Variants in TMEM97 observed in about 807,000 individuals in gnomAD.
TMEM97 encodes the protein sigma intracellular receptor 2.
TMEM97 carries 13 observed loss-of-function variants against 18.3 expected under a neutral mutation model. The ratio of observed to expected loss-of-function variants is 0.71; its 90% CI spans 0.46 to 1.13. TMEM97 has a LOEUF of 1.13. TMEM97 is among the 50% of genes most tolerant of loss of function. The probability of loss-of-function intolerance (pLI) is 0.00; values close to 1 mark genes in which losing one functional copy is unlikely to be tolerated. For synonymous variants in TMEM97, 76 were observed against 85.3 expected (o/e 0.89, Z 0.60); for missense variants, 205 against 210.5 (o/e 0.97, Z 0.16).
chr17:28,322,738 G>A (rs994102407), intron 1 of TMEM97, among the ~76,000 whole-genome samples: 10 of 152,184 alleles, frequency 6.6e-5, no homozygotes, highest in African/African-American at 2.4e-4. Context: ...AGAAGTACAA[G>A]ATTGGTGAGT....
At chr17:28,319,518 C>T (rs1906058614) in intron 1 of TMEM97, 153 bp downstream of exon 1, 3 of 931,560 alleles carry the variant, frequency 3.2e-6, no homozygotes. Flanking sequence ...AACTTTAGTT[C>T]GGTGTTTTCC....
In TMEM97 at chr17:28,325,548, C is replaced by G; in HGVS notation, c.172C>G (p.Leu58Val). The change falls in exon 2 of 3, where the codon CTG (leucine) becomes GTG (valine). Residue 58 changes from leucine (L) to valine (V), a missense_variant. By Grantham distance (32) the Leu-to-Val change is conservative. Coordinates refer to ENST00000226230, the MANE Select transcript of TMEM97 (RefSeq NM_014573.3). ...KWYAKEFKDP[L>V]LQEPPAWFKS... ...GTATGCTAAGGAGTTCAAAGACCCA[C>G]TGCTACAGGAGCCCCCAGCCTGGTT... 1 of 1,614,252 alleles carries G rather than the reference C, an allele frequency of 6.2e-7. No homozygotes were observed. The highest frequency in any genetic ancestry group is 8.5e-7 in the Non-Finnish European group (1 of 1,180,052).
intron 1 of TMEM97, among the ~76,000 whole-genome samples, chr17:28,321,602 T>G (rs1443748095): frequency 6.6e-6 from 1 of 152,098 alleles, no homozygotes; most frequent in African/African-American, 2.4e-5. Context: ...CCTGGCTAAT[T>G]TTTTATTTTT....
intron 1 of TMEM97, 97 bp downstream of exon 1, chr17:28,319,462 A>G (rs1234856121): frequency 7.2e-6 from 10 of 1,392,518 alleles, no homozygotes; most frequent in Admixed American, 3.0e-5. Context: ...TCTGGGTTCC[A>G]GTTGCCTCTC....
rs77440727 is a variant in TMEM97 at position 28,321,350 on chromosome 17, C to T, written c.126+1985C>T. ...CCTGGATGTGCCATTCTCACAAGCC[C>T]GTCTTGCTCACCCCTAACAAAATAC... is the stretch of plus-strand genomic sequence containing the variant. On this transcript the variant is annotated intron_variant, in intron 1 of 2. Coordinates refer to ENST00000226230, the MANE Select transcript of TMEM97 (RefSeq NM_014573.3). Among the ~76,000 whole-genome samples, 11 of 152,330 alleles carry T rather than the reference C, an allele frequency of 7.2e-5. 2 individuals are homozygous for T. The East Asian group carries it at 1.5e-3, about 21-fold the overall frequency.
intron 1 of TMEM97, among the ~76,000 whole-genome samples, chr17:28,319,886 C>T (rs1248155075): frequency 1.3e-5 from 2 of 152,158 alleles, no homozygotes; most frequent in Non-Finnish European, 2.9e-5. Context: ...ACTTCCAGAG[C>T]TCAGGAGTAA....
rs1906422753 is a variant in TMEM97 at position 28,327,767 on chromosome 17, GATC to G, written c.*978_*980del. 1 of 152,210 alleles carries G rather than the reference GATC, an allele frequency of 6.6e-6. No homozygotes were observed. Among genetic ancestry groups the G allele is most frequent in the Non-Finnish European group, 1.5e-5 (1 of 68,040 alleles). The allele number at this position is 152,210 out of a possible 1,614,324, so 9.4% of individuals were successfully genotyped here. On this transcript the variant is annotated 3_prime_UTR_variant, in exon 3 of 3. Coordinates refer to ENST00000226230, the MANE Select transcript of TMEM97 (RefSeq NM_014573.3). ...AATGTTTTTGTTTCTGTTGTAAACAGATCATCCTAGGCGAAAGTTTTTTTTGTT... is the reference window on the plus strand; with the variant it reads ...AATGTTTTTGTTTCTGTTGTAAACAGATCCTAGGCGAAAGTTTTTTTTGTT...
Position 28,327,373 on chromosome 17 carries a change from G to A in TMEM97, c.*580G>A, listed in dbSNP as rs1555575690. 6.5e-6 allele frequency: 1 copy of A among 153,668 alleles called. No individual in the cohort carries two copies. 9.5% of individuals were successfully genotyped at this position (153,668 alleles called of 1,614,324 possible). ...TATAAGGAAGTGGTACCAAATAACT[G>A]TGTGCCTGAGTTCCACCGCAAGATT... is the stretch of plus-strand genomic sequence containing the variant. On this transcript the variant is annotated 3_prime_UTR_variant, in exon 3 of 3. Transcript: ENST00000226230.
chr17:28,321,612 T>C (rs1387171016), intron 1 of TMEM97, among the ~76,000 whole-genome samples: 23 of 152,166 alleles, frequency 1.5e-4, no homozygotes, highest in African/African-American at 5.6e-4. Flanking sequence ...TTTTTATTTT[T>C]TGTAGAGATG....
chr17:28,327,237 C>T lies in TMEM97; in HGVS notation c.*444C>T, dbSNP rs1555575675. 1 of 181,062 alleles carries T rather than the reference C, an allele frequency of 5.5e-6. No individual in the cohort carries two copies. The highest frequency in any genetic ancestry group is 1.4e-4 in the East Asian group (1 of 7,216). The allele number at this position is 181,062 out of a possible 1,614,324, so 11.2% of individuals were successfully genotyped here. A position where few individuals can be genotyped will look rare whatever the true frequency, so the allele number is the denominator to read the frequency against. On this transcript the variant is annotated 3_prime_UTR_variant, in exon 3 of 3. Transcript: ENST00000226230. Reference sequence around the variant, plus strand: ...CTGCCCACCTCAGTCTCCCTAAGTGCTGGGATTACAGACGTGAACCACTGG... The same window carrying T: ...CTGCCCACCTCAGTCTCCCTAAGTGTTGGGATTACAGACGTGAACCACTGG...
rs1567776432 is a variant in TMEM97, at chr17:28,325,616, C to T, written c.240C>T (p.Phe80=). 6.2e-7 allele frequency: 1 copy of T among 1,614,238 alleles called. No homozygotes were observed. The highest frequency in any genetic ancestry group is 2.2e-5 in the East Asian group (1 of 44,890). The change falls in exon 2 of 3, where the codon TTC becomes TTT. Residue 80 remains phenylalanine (F), a synonymous_variant. Coordinates refer to ENST00000226230, the MANE Select transcript of TMEM97 (RefSeq NM_014573.3). ...LFCELVFQLP[F]FPIATYAFLK... ...GCGAGCTTGTGTTTCAGCTGCCTTT[C>T]TTTCCCATTGCAACGTATGCCTTCC...
intron 1 of TMEM97, 38 bp from the exon 2 acceptor site, chr17:28,325,465 A>G: frequency 6.2e-7 from 1 of 1,609,000 alleles, no homozygotes; most frequent in Non-Finnish European, 8.5e-7. Flanking sequence ...TGTTGAGGGC[A>G]AGTGGCTGTA....
chr17:28,319,992 T>C (rs1906081496), intron 1 of TMEM97, among the ~76,000 whole-genome samples: 1 of 152,220 alleles, frequency 6.6e-6, no homozygotes, highest in Non-Finnish European at 1.5e-5. Flanking sequence ...TTCCTGGTTG[T>C]TGGAGAGCAT....
At position 28,328,253 on chromosome 17, in the gene TMEM97, G is replaced by A. The variant is rs1555575837; in HGVS notation, c.*1460G>A. ...GCCTGGTTTGTTTTGTGGACTAGGG[G>A]ATAGAGAATCCAGGGTTCTCTCATG... On this transcript the variant is annotated 3_prime_UTR_variant, in exon 3 of 3. Transcript: ENST00000226230. 1.1e-5 allele frequency: 2 copies of A among 185,314 alleles called. No individual in the cohort carries two copies. Among genetic ancestry groups the A allele is most frequent in the African/African-American group, 4.8e-5 (2 of 41,692 alleles). The allele number at this position is 185,314 out of a possible 1,614,324, so 11.5% of individuals were successfully genotyped here. A position where few individuals can be genotyped will look rare whatever the true frequency, so the allele number is the denominator to read the frequency against.
At chr17:28,324,399 T>C (rs1906258132) in intron 1 of TMEM97, among the ~76,000 whole-genome samples, 1 of 152,238 alleles carries the variant, frequency 6.6e-6, no homozygotes, top group Admixed American at 6.5e-5. Flanking sequence ...GGGCTTCTAT[T>C]TCACAATAGC....
chr17:28,325,379 G>A, intron 1 of TMEM97, 124 bp from the exon 2 acceptor site: 2 of 1,275,630 alleles, frequency 1.6e-6, no homozygotes, highest in Non-Finnish European at 2.2e-6. Context: ...CATGCCATCT[G>A]CTGCCGGGGT....
At chr17:28,321,111 G>A (rs531602681) in intron 1 of TMEM97, among the ~76,000 whole-genome samples, 9 of 152,282 alleles carry the variant, frequency 5.9e-5, no homozygotes, top group African/African-American at 1.2e-4. Flanking sequence ...AGAGGTCATC[G>A]CAGCTCTGCA....
intron 1 of TMEM97, among the ~76,000 whole-genome samples, chr17:28,322,807 A>C (rs1421263826): frequency 2.1e-5 from 1 of 46,520 alleles, no homozygotes; most frequent in Admixed American, 2.7e-4. Flanking sequence ...ATGTATAACA[A>C]GGGTGGGTTG....
intron 1 of TMEM97, among the ~76,000 whole-genome samples, chr17:28,320,441 A>G (rs1221216989): frequency 1.3e-5 from 2 of 152,114 alleles, no homozygotes; most frequent in Non-Finnish European, 2.9e-5. Flanking sequence ...CAACTGGAAG[A>G]CCTCTGACCT....
Sources: gnomAD v4.1 joint callset for allele counts (sites outside exome capture counted in the v4.1 genomes callset) on GRCh38, gnomAD v4.1.1 for gene constraint, MANE v1.5 for transcripts, NCBI Gene and HGNC (gene_info 2026-07-23, HGNC 2026-07-21) for gene names.